Variants in TEX9 observed in about 807,000 individuals in gnomAD.
TEX9 encodes testis expressed 9.
Under a neutral mutation model 59.6 loss-of-function variants are expected in TEX9, and 74 were observed. The observed-to-expected ratio is 1.24, with a 90% CI of 1.03 to 1.51. The LOEUF (loss-of-function observed/expected upper bound fraction) is 1.51, where lower values mean the gene tolerates loss of function less well. Among genes scored for constraint, TEX9 ranks in the 40% most tolerant of loss-of-function variants. The probability of loss-of-function intolerance (pLI) is 0.00; values close to 1 mark genes in which losing one functional copy is unlikely to be tolerated. For missense variants in TEX9, 522 were observed against 447.8 expected (o/e 1.17, Z -1.49); for synonymous variants, 186 against 152.2 (o/e 1.22, Z -1.64).
rs2047277397 is a variant in TEX9, at chr15:56,373,358, C to A, written c.120-83C>A. The A allele has an allele frequency of 3.1e-6, 4 of 1,307,298 alleles. No individual in the cohort carries two copies. The Admixed American group carries it at 7.6e-5, about 25-fold the overall frequency. The allele number at this position is 1,307,298 out of a possible 1,614,324, so 81.0% of individuals were successfully genotyped here. On this transcript the variant is annotated intron_variant, in intron 2 of 12. Coordinates refer to ENST00000352903, the Ensembl canonical transcript of TEX9. ...ATATTTTGGCATTTGTTGATTACGT[C>A]ACTTGATAACGTGTAATTGCTGAAG... is the stretch of plus-strand genomic sequence containing the variant.
chr15:56,288,705 G>A (rs1252404882), intron 1 of TEX9, among the ~76,000 whole-genome samples: 1 of 152,048 alleles, frequency 6.6e-6, no homozygotes, highest in Admixed American at 6.5e-5. Context: ...TGATTATAAT[G>A]TCTTGGTGTA....
At chr15:56,317,999 T>C (rs1177103842) in intron 1 of TEX9, among the ~76,000 whole-genome samples, 1 of 152,116 alleles carries the variant, frequency 6.6e-6, no homozygotes, top group African/African-American at 2.4e-5. Context: ...TTAGGTCTAG[T>C]TGGTTTATAG....
exon 6 of TEX9, chr15:56,389,399 A>G: frequency 6.3e-7 from 1 of 1,596,300 alleles, no homozygotes; most frequent in Non-Finnish European, 8.6e-7. Flanking sequence ...AACAAATTCA[A>G]GGTATAGTAT....
intron 4 of TEX9, among the ~76,000 whole-genome samples, chr15:56,384,724 T>TA (rs1295502865): frequency 6.6e-6 from 1 of 152,164 alleles, no homozygotes; most frequent in African/African-American, 2.4e-5. Flanking sequence ...GCTGGAAAGA[T>TA]AAAGGATTAA....
chr15:56,372,298 G>C (rs2047224516), intron 2 of TEX9, among the ~76,000 whole-genome samples: 1 of 152,094 alleles, frequency 6.6e-6, no homozygotes, highest in South Asian at 2.1e-4. Flanking sequence ...ACTGTTAAAG[G>C]ATATGGTACT....
At chr15:56,363,460 C>T (rs141888046), upstream of TEX9, among the ~76,000 whole-genome samples, 6 of 152,074 alleles carry the variant, frequency 3.9e-5, no homozygotes, top group South Asian at 2.1e-4. Flanking sequence ...TGAGCCACCG[C>T]GCCTGGCTAT....
At chr15:56,384,760 TA>T (rs1363189849) in intron 4 of TEX9, among the ~76,000 whole-genome samples, 2 of 152,162 alleles carry the variant, frequency 1.3e-5, no homozygotes, top group African/African-American at 4.8e-5. Flanking sequence ...ATGAATTTAG[TA>T]AAACTATCAT....
chr15:56,406,781 C>T (rs907629729), intron 9 of TEX9, among the ~76,000 whole-genome samples: 2 of 151,992 alleles, frequency 1.3e-5, no homozygotes, highest in Admixed American at 6.6e-5. Context: ...TTTGCCCATT[C>T]GAAAATACTA....
intron 1 of TEX9, among the ~76,000 whole-genome samples, chr15:56,318,986 A>G (rs987777885): frequency 1.3e-5 from 2 of 152,152 alleles, no homozygotes; most frequent in Non-Finnish European, 2.9e-5. Flanking sequence ...TCCATACTGT[A>G]TTAAAGGTCT....
intron 2 of TEX9, among the ~76,000 whole-genome samples, chr15:56,372,941 T>TC (rs1390490984): frequency 5.3e-5 from 8 of 152,126 alleles, no homozygotes; most frequent in Non-Finnish European, 8.8e-5. Context: ...AAAGTATGTA[T>TC]CTGAGGTGTG....
At chr15:56,416,950 C>G (rs1042993223) in intron 10 of TEX9, among the ~76,000 whole-genome samples, 1 of 151,590 alleles carries the variant, frequency 6.6e-6, no homozygotes, top group South Asian at 2.1e-4. Flanking sequence ...TGTACATGTC[C>G]AGGAATTTGT....
intron 9 of TEX9, among the ~76,000 whole-genome samples, chr15:56,405,310 GAAAA>G (rs1221876149): frequency 1.0e-5 from 1 of 95,964 alleles, no homozygotes; most frequent in Non-Finnish European, 2.2e-5. Flanking sequence ...CCGTCTCAAA[GAAAA>G]AAAAAAAAAA....
At chr15:56,449,860 A>G (rs1211692095), downstream of TEX9, among the ~76,000 whole-genome samples, 6 of 152,176 alleles carry the variant, frequency 3.9e-5, no homozygotes, top group Admixed American at 6.5e-5. Flanking sequence ...ATATCCTGCT[A>G]TGGTCCATTA....
At chr15:56,444,650 T>G (rs369837125) in intron 12 of TEX9, 198 of 1,609,172 alleles carry the variant, frequency 1.2e-4, no homozygotes, top group Non-Finnish European at 1.5e-4. Flanking sequence ...CCATCATGGT[T>G]TTGGCTATTT....
chr15:56,278,282 C>T (rs2682067), intron 1 of TEX9, among the ~76,000 whole-genome samples: 152,232 of 152,324 alleles, frequency 1, 76,070 homozygotes, highest in Non-Finnish European at 1. Context: ...ATATATAGTG[C>T]ATGAAAGTAT....
chr15:56,342,102 C>T (rs1362306556), intron 1 of TEX9, among the ~76,000 whole-genome samples: 2 of 152,034 alleles, frequency 1.3e-5, no homozygotes, highest in Non-Finnish European at 2.9e-5. Context: ...CAGACATGAC[C>T]ATCCAACTAA....
chr15:56,257,178 C>T (rs1180626853), intron 1 of TEX9, among the ~76,000 whole-genome samples: 4 of 152,092 alleles, frequency 2.6e-5, no homozygotes, highest in Non-Finnish European at 4.4e-5. Flanking sequence ...TTTCTTTACC[C>T]AGTCTATCAT....
At chr15:56,405,226 G>A (rs576824480) in intron 9 of TEX9, among the ~76,000 whole-genome samples, 17 of 151,694 alleles carry the variant, frequency 1.1e-4, no homozygotes, top group South Asian at 8.4e-4. Context: ...ATGGCGTGGC[G>A]TGAAACCGGG....
At chr15:56,272,645 G>A (rs1391086874) in intron 1 of TEX9, among the ~76,000 whole-genome samples, 1 of 152,130 alleles carries the variant, frequency 6.6e-6, no homozygotes, top group African/African-American at 2.4e-5. Context: ...GAACGGCTGA[G>A]TCATGTGGTA....
Sources: gnomAD v4.1 joint callset for allele counts (sites outside exome capture counted in the v4.1 genomes callset) on GRCh38, gnomAD v4.1.1 for gene constraint, MANE v1.5 for transcripts, NCBI Gene and HGNC (gene_info 2026-07-23, HGNC 2026-07-21) for gene names.